KCNQ3: variants seen among roughly 807,000 people sequenced by gnomAD.
The protein encoded by KCNQ3 is potassium voltage-gated channel subfamily Q member 3, also known as potassium voltage-gated channel subfamily KQT member 3.
KCNQ3 carries 30 observed loss-of-function variants against 92.5 expected under a neutral mutation model. That is an observed-to-expected ratio of 0.32 (90% CI 0.24 to 0.44). KCNQ3 has a LOEUF of 0.44. KCNQ3 is among the 20% of genes least tolerant of loss of function. The pLI is 1.00. For synonymous variants in KCNQ3, 450 were observed against 468.8 expected (o/e 0.96, Z 0.52); for missense variants, 913 against 1,140.3 (o/e 0.80, Z 2.87).
In KCNQ3 at chr8:132,303,677, T is replaced by TATACAC. The variant is rs376933089; in HGVS notation, c.387-117497_387-117496insGTGTAT. 5.5e-3 allele frequency among the ~76,000 whole-genome samples: 477 copies of TATACAC among 85,994 alleles called. 13 individuals are homozygous for TATACAC. Among genetic ancestry groups the TATACAC allele is most frequent in the African/African-American group, 0.02 (441 of 22,186 alleles). 56.4% of individuals were successfully genotyped at this position (85,994 alleles called of 152,430 possible). ...TTTATGGTGTGTGTGTATATATATA[T>TATACAC]ACACACACACAGCCACACCACACAC... On this transcript the variant is annotated intron_variant, in intron 1 of 14. Transcript: ENST00000388996.
At chr8:132,237,618 C>T (rs978891128) in intron 1 of KCNQ3, among the ~76,000 whole-genome samples, 4 of 152,112 alleles carry the variant, frequency 2.6e-5, no homozygotes, top group African/African-American at 9.7e-5. Flanking sequence ...CTCAGGCTGG[C>T]AGCACCCACG....
At chr8:132,409,920 A>G (rs1820604616) in intron 1 of KCNQ3, among the ~76,000 whole-genome samples, 1 of 152,214 alleles carries the variant, frequency 6.6e-6, no homozygotes, top group Admixed American at 6.5e-5. Flanking sequence ...GGTCAATTTC[A>G]GAAGCATTAC....
rs561695506 is a variant in KCNQ3, at chr8:132,274,413, C to T, written c.387-88232G>A. Among the ~76,000 whole-genome samples the T allele has an allele frequency of 7.2e-5, 11 of 152,258 alleles. No individual in the cohort carries two copies. The South Asian group carries it at 8.3e-4, about 11-fold the overall frequency. ...CTCCCACTGGGTCCCTCACACGACA[C>T]GTGGGAATTGTGGGAGTTACAATTC... On this transcript the variant is annotated intron_variant, in intron 1 of 14. Transcript: ENST00000388996.
At chr8:132,322,402 T>C (rs1447211108) in intron 1 of KCNQ3, among the ~76,000 whole-genome samples, 1 of 152,058 alleles carries the variant, frequency 6.6e-6, no homozygotes, top group Non-Finnish European at 1.5e-5. Flanking sequence ...AGAACTGAGA[T>C]GCAGAATTTA....
chr8:132,480,082 C>T (rs1047577074), intron 1 of KCNQ3, 65 bp downstream of exon 1: 14 of 1,504,836 alleles, frequency 9.3e-6, no homozygotes, highest in Non-Finnish European at 1.2e-5. Flanking sequence ...TTCTCAGCTC[C>T]AGCCCCGACC....
chr8:132,479,467 C>T lies in KCNQ3; in HGVS notation c.386+680G>A, dbSNP rs530160801. Among the ~76,000 whole-genome samples the T allele has an allele frequency of 8.5e-5, 13 of 152,222 alleles. No individual in the cohort carries two copies. The East Asian group carries it at 2.5e-3, about 29-fold the overall frequency. ...CCCCTCACCTCCTGGCTCTGTGAAG[C>T]CCCAGCCCCTCAGTCTAGGCTTAGA... On this transcript the variant is annotated intron_variant, in intron 1 of 14. Coordinates refer to ENST00000388996, the MANE Select transcript of KCNQ3 (RefSeq NM_004519.4).
At chr8:132,344,850 G>T (rs943668704) in intron 1 of KCNQ3, among the ~76,000 whole-genome samples, 2 of 152,154 alleles carry the variant, frequency 1.3e-5, no homozygotes, top group East Asian at 3.9e-4. Flanking sequence ...GGTGCTTTGC[G>T]TGGGGCAACT....
chr8:132,161,491 G>A (rs1446201190), intron 9 of KCNQ3, among the ~76,000 whole-genome samples: 1 of 152,026 alleles, frequency 6.6e-6, no homozygotes, highest in Admixed American at 6.6e-5. Flanking sequence ...AATTAGCCGG[G>A]TGTGGTGGTG....
At chr8:132,328,411 A>G (rs1020058954) in intron 1 of KCNQ3, among the ~76,000 whole-genome samples, 1 of 152,086 alleles carries the variant, frequency 6.6e-6, no homozygotes, top group African/African-American at 2.4e-5. Context: ...CAGCCTCATA[A>G]TTAGAGAGAC....
intron 1 of KCNQ3, among the ~76,000 whole-genome samples, chr8:132,247,483 C>A (rs1014552350): frequency 6.6e-6 from 1 of 152,168 alleles, no homozygotes. Context: ...CAAGAGAAAA[C>A]CCTATTAAAA....
At chr8:132,226,371 T>G (rs1334610556) in intron 1 of KCNQ3, among the ~76,000 whole-genome samples, 2 of 152,122 alleles carry the variant, frequency 1.3e-5, no homozygotes, top group East Asian at 1.9e-4. Flanking sequence ...TATCCCCTGC[T>G]GATGGAAAAA....
chr8:132,480,424 C>A lies in KCNQ3; in HGVS notation c.109G>T (p.Gly37Cys), dbSNP rs761996139. Residue 37 changes from glycine (G) to cysteine (C), a missense_variant, in exon 1 of 15, where the codon GGC becomes TGC. Transcript: ENST00000388996. ...NPAGGDAAAA[G>C]DEERKVGLAP... ...AGCCCCACTTTCCGCTCCTCGTCGC[C>A]GGCCGCCGCCGCGTCCCCTCCGGCT... 2.0e-6 allele frequency: 3 copies of A among 1,466,670 alleles called. No individual in the cohort carries two copies. Among genetic ancestry groups the A allele is most frequent in the South Asian group, 1.4e-5 (1 of 72,850 alleles). The allele number at this position is 1,466,670 out of a possible 1,614,324, so 90.9% of individuals were successfully genotyped here. A position where few individuals can be genotyped will look rare whatever the true frequency, so the allele number is the denominator to read the frequency against.
At chr8:132,180,834 T>TAAAAAA (rs1563791356) in intron 3 of KCNQ3, among the ~76,000 whole-genome samples, 1 of 29,922 alleles carries the variant, frequency 3.3e-5, no homozygotes, top group Non-Finnish European at 8.3e-5. Context: ...AGAGAGAATG[T>TAAAAAA]TAAAAAAAAA....
intron 1 of KCNQ3, among the ~76,000 whole-genome samples, chr8:132,351,516 C>T (rs73343861): frequency 0.03 from 4,507 of 152,278 alleles, 238 homozygotes; most frequent in African/African-American, 0.1. Flanking sequence ...CGGAGGAGGC[C>T]CACTACCAGA....
intron 1 of KCNQ3, among the ~76,000 whole-genome samples, chr8:132,371,634 C>A (rs1343373754): frequency 1.3e-5 from 2 of 152,200 alleles, no homozygotes; most frequent in Admixed American, 6.5e-5. Flanking sequence ...GGACAAGTAT[C>A]TTCAGAGGCA....
Position 132,120,908 on chromosome 8 carries a change from A to T in KCNQ3, c.*8354T>A, listed in dbSNP as rs1367610260. 6.6e-6 allele frequency: 1 copy of T among 152,244 alleles called. No homozygotes were observed. The highest frequency in any genetic ancestry group is 2.4e-5 in the African/African-American group (1 of 41,458). The allele number at this position is 152,244 out of a possible 1,614,324, so 9.4% of individuals were successfully genotyped here. ...ATAAGTGGTGCAGTATTTATTTAAG[A>T]TAGAACATAAAAAATCAGGTAAGAA... On this transcript the variant is annotated 3_prime_UTR_variant, in exon 15 of 15. Transcript: ENST00000388996.
intron 9 of KCNQ3, among the ~76,000 whole-genome samples, chr8:132,158,946 G>A (rs1441364955): frequency 6.6e-6 from 1 of 152,278 alleles, no homozygotes. Context: ...TATGAATACA[G>A]AGGAGAAGAT....
Position 132,170,848 on chromosome 8 carries a change from C to CAA in KCNQ3, c.1141-422_1141-421dup, listed in dbSNP as rs796652777. ...GCAACATAATTAAACTTCATCTCTA[C>CAA]AAAAAAAAAAAAAAAAAGAACAAAG... On this transcript the variant is annotated intron_variant, in intron 7 of 14. Coordinates refer to ENST00000388996, the MANE Select transcript of KCNQ3 (RefSeq NM_004519.4). Among the ~76,000 whole-genome samples, 31 of 63,446 alleles carry CAA rather than the reference C, an allele frequency of 4.9e-4. No homozygotes were observed. The South Asian group carries it at 0.013, about 26-fold the overall frequency. The allele number at this position is 63,446 out of a possible 152,430, so 41.6% of individuals were successfully genotyped here.
chr8:132,448,954 G>A (rs143654937), intron 1 of KCNQ3, among the ~76,000 whole-genome samples: 33 of 152,322 alleles, frequency 2.2e-4, no homozygotes, highest in Admixed American at 3.3e-4. Context: ...AGGCCAACAC[G>A]GGTTAGAGAC....
Sources: allele counts gnomAD v4.1 joint callset (sites outside exome capture counted in the v4.1 genomes callset), GRCh38; gene constraint gnomAD v4.1.1; transcripts MANE v1.5; gene names NCBI Gene and HGNC (gene_info 2026-07-23, HGNC 2026-07-21).